OPHN1: variants seen among roughly 807,000 people sequenced by gnomAD.
The protein encoded by OPHN1 is oligophrenin 1.
A neutral mutation model predicts 60.7 loss-of-function variants in OPHN1; 11 were observed. That is an observed-to-expected ratio of 0.18 (90% CI 0.11 to 0.30). The LOEUF (loss-of-function observed/expected upper bound fraction) is 0.30. Among genes scored for constraint, OPHN1 ranks in the 10% least tolerant of loss-of-function variants. The pLI is 1.00. For synonymous variants in OPHN1, 226 were observed against 222.6 expected (o/e 1.02, Z -0.14); for missense variants, 449 against 611.0 (o/e 0.73, Z 2.80).
rs1477777840 is a variant in OPHN1 at position 68,314,725 on chromosome X, C to T, written c.155-15629G>A. On this transcript the variant is annotated intron_variant, in intron 2 of 24. Transcript: ENST00000355520. ...TCTTGGCCAGGTATGGTGGCTCACACTTGTAACCCCAGCACTTTGGGAGGC... is the reference window on the plus strand; with the variant it reads ...TCTTGGCCAGGTATGGTGGCTCACATTTGTAACCCCAGCACTTTGGGAGGC... Among the ~76,000 whole-genome samples the T allele has an allele frequency of 4.5e-5, 5 of 110,812 alleles. No homozygotes were observed. In the East Asian group the frequency reaches 1.1e-3, roughly 25 times the overall value.
intron 2 of OPHN1, among the ~76,000 whole-genome samples, chrX:68,367,205 T>A (rs772003705): frequency 5.5e-5 from 6 of 108,941 alleles, no homozygotes; most frequent in African/African-American, 1.7e-4. Flanking sequence ...ACAAAAAAAA[T>A]TAGCAGGGTG....
At chrX:68,229,586 T>G (rs1226147952) in intron 6 of OPHN1, among the ~76,000 whole-genome samples, 10 of 111,107 alleles carry the variant, frequency 9.0e-5, no homozygotes, top group Non-Finnish European at 1.9e-4. Flanking sequence ...TGGAACAGAA[T>G]AGATCCCTCA....
At chrX:68,391,682 T>C (rs771824311) in intron 2 of OPHN1, among the ~76,000 whole-genome samples, 4 of 111,793 alleles carry the variant, frequency 3.6e-5, no homozygotes, top group Admixed American at 9.6e-5. Flanking sequence ...GTTAGGATTA[T>C]CTTAGATTAC....
At chrX:68,055,502 G>T (rs1337523991) in intron 21 of OPHN1, among the ~76,000 whole-genome samples, 1 of 112,144 alleles carries the variant, frequency 8.9e-6, no homozygotes, top group African/African-American at 3.2e-5. Context: ...TACACTGTTG[G>T]TGGGAGTGTA....
At chrX:68,192,598 C>A in intron 15 of OPHN1, 1 of 259,439 alleles carries the variant, frequency 3.9e-6, no homozygotes. Flanking sequence ...AAGTAAGACA[C>A]AAACTCAAAA....
chrX:68,379,941 T>C (rs1466536598), intron 2 of OPHN1, among the ~76,000 whole-genome samples: 2 of 110,170 alleles, frequency 1.8e-5, no homozygotes, highest in Middle Eastern at 4.6e-3. Flanking sequence ...GCTGGCCTCA[T>C]AAAATGAGTT....
At chrX:68,310,525 T>G (rs1412830614) in intron 2 of OPHN1, among the ~76,000 whole-genome samples, 2 of 109,596 alleles carry the variant, frequency 1.8e-5, no homozygotes, top group African/African-American at 6.6e-5. Flanking sequence ...AACTTCACAG[T>G]TGAAAATTAT....
chrX:68,384,653 C>T (rs1392576859), intron 2 of OPHN1, among the ~76,000 whole-genome samples: 1 of 108,361 alleles, frequency 9.2e-6, no homozygotes, highest in Non-Finnish European at 1.9e-5. Flanking sequence ...ATGCAGGAGG[C>T]AGAGGTTGCA....
At chrX:68,315,085 C>T (rs1291515314) in intron 2 of OPHN1, among the ~76,000 whole-genome samples, 3 of 109,184 alleles carry the variant, frequency 2.7e-5, no homozygotes, top group East Asian at 2.9e-4. Flanking sequence ...GTCATGGTCA[C>T]GTGCATCTTC....
intron 15 of OPHN1, among the ~76,000 whole-genome samples, chrX:68,120,010 G>A (rs1302436348): frequency 1.8e-5 from 2 of 111,180 alleles, no homozygotes; most frequent in African/African-American, 3.3e-5. Flanking sequence ...GAACCTAAGC[G>A]AACGAGGTGA....
chrX:68,339,035 G>T (rs1403528968), intron 2 of OPHN1, among the ~76,000 whole-genome samples: 1 of 104,701 alleles, frequency 9.6e-6, no homozygotes, highest in Non-Finnish European at 1.9e-5. Context: ...AGCCCTGATT[G>T]TGTCACTGCA....
chrX:68,121,729 C>G (rs1191169523), intron 15 of OPHN1, among the ~76,000 whole-genome samples: 1 of 108,212 alleles, frequency 9.2e-6, no homozygotes, highest in Non-Finnish European at 1.9e-5. Flanking sequence ...TTGCACCACC[C>G]CACACAGCAC....
intron 5 of OPHN1, among the ~76,000 whole-genome samples, chrX:68,258,889 C>A (rs1469930172): frequency 2.7e-5 from 3 of 111,913 alleles, no homozygotes; most frequent in Non-Finnish European, 5.6e-5. Flanking sequence ...TCTCTTGCAT[C>A]TTTCTGAACT....
intron 6 of OPHN1, among the ~76,000 whole-genome samples, chrX:68,230,279 G>T (rs1393257914): frequency 1.8e-5 from 2 of 111,552 alleles, no homozygotes; most frequent in African/African-American, 6.5e-5. Context: ...TGCTGGAGAG[G>T]ATGTGGAGAA....
intron 2 of OPHN1, among the ~76,000 whole-genome samples, chrX:68,424,618 T>C (rs1003729773): frequency 2.7e-5 from 3 of 111,206 alleles, no homozygotes; most frequent in African/African-American, 9.8e-5. Context: ...TGGCTATGCT[T>C]AAAAAAAATA....
At chrX:68,408,448 T>G (rs1249918191) in intron 2 of OPHN1, among the ~76,000 whole-genome samples, 1 of 111,758 alleles carries the variant, frequency 8.9e-6, no homozygotes, top group African/African-American at 3.3e-5. Flanking sequence ...GAAGAGCCAA[T>G]AAAATCAGGA....
chrX:68,287,119 AAGAG>A (rs1234888887), intron 3 of OPHN1, among the ~76,000 whole-genome samples: 14 of 99,373 alleles, frequency 1.4e-4, no homozygotes, highest in East Asian at 3.1e-4. Context: ...AAAAAAAAGA[AAGAG>A]AGAGAGAAAG....
At chrX:68,426,309 C>T (rs185437521) in intron 2 of OPHN1, among the ~76,000 whole-genome samples, 24 of 107,820 alleles carry the variant, frequency 2.2e-4, no homozygotes, top group Non-Finnish European at 3.9e-4. Context: ...GGCGTGGTAG[C>T]GCACGCCTGT....
chrX:68,073,438 G>A, intron 19 of OPHN1, 139 bp from the exon 20 acceptor site: 1 of 526,564 alleles, frequency 1.9e-6, no homozygotes, highest in African/African-American at 2.3e-5. Flanking sequence ...AAGAATCAGA[G>A]ATTTTCTTAA....
Sources: allele counts gnomAD v4.1 joint callset (sites outside exome capture counted in the v4.1 genomes callset), GRCh38; gene constraint gnomAD v4.1.1; transcripts MANE v1.5; gene names NCBI Gene and HGNC (gene_info 2026-07-23, HGNC 2026-07-21).